Variants in ZNF177 observed in about 807,000 individuals in gnomAD.
ZNF177 encodes zinc finger protein 177.
Under a neutral mutation model 19.4 loss-of-function variants are expected in ZNF177, and 17 were observed. That is an observed-to-expected ratio of 0.87 (90% confidence interval 0.60 to 1.31). ZNF177 has a LOEUF of 1.31. Ranked by LOEUF, ZNF177 falls within the 40% of genes most tolerant of loss-of-function variation. The pLI, the probability that ZNF177 is intolerant of heterozygous loss-of-function variation, is 0.00. For missense variants in ZNF177, 633 were observed against 561.8 expected (o/e 1.13, Z -1.28); for synonymous variants, 220 against 188.7 (o/e 1.17, Z -1.36).
At chr19:9,376,809 T>C (rs963194650) in intron 1 of ZNF177, among the ~76,000 whole-genome samples, 2 of 152,206 alleles carry the variant, frequency 1.3e-5, no homozygotes, top group Non-Finnish European at 2.9e-5. Flanking sequence ...GTTATTTAGA[T>C]ACCACTGTTA....
chr19:9,366,618 TTCA>T (rs1193410639), intron 2 of ZNF177, among the ~76,000 whole-genome samples: 1 of 152,216 alleles, frequency 6.6e-6, no homozygotes, highest in Admixed American at 6.5e-5. Context: ...CATTTATCCG[TTCA>T]TCGGTAGATA....
chr19:9,382,305 G>A (rs924453685), downstream of ZNF177: 6 of 398,604 alleles, frequency 1.5e-5, no homozygotes, highest in Admixed American at 1.3e-4. Context: ...AGCTGCTAAG[G>A]AAGCTCATGG....
chr19:9,363,842 A>G (rs77393458), intron 1 of ZNF177, among the ~76,000 whole-genome samples: 3,208 of 152,220 alleles, frequency 0.021, 108 homozygotes, highest in African/African-American at 0.073. Flanking sequence ...CTGCCCTACA[A>G]ATTTACTGCC....
In ZNF177 at chr19:9,379,640, G is replaced by A. The variant is rs73920762; in HGVS notation, c.253+21G>A. On this transcript the variant is annotated intron_variant, in intron 4 of 5. Transcript: ENST00000589262. ...TGCAGGTGAGCCTTGGGCAGAACAG[G>A]GTGCAGCCTTGGCCAGTGAGGGTTA... 5,184 of 1,611,686 alleles carry A rather than the reference G, an allele frequency of 3.2e-3. 127 individuals are homozygous for A. In the African/African-American group the frequency reaches 0.061, roughly 19 times the overall value.
intron 2 of ZNF177, among the ~76,000 whole-genome samples, chr19:9,369,346 CT>C (rs1298347382): frequency 6.6e-6 from 1 of 152,106 alleles, no homozygotes. Context: ...CTAATTGGTA[CT>C]TTACATCCTC....
intron 2 of ZNF177, among the ~76,000 whole-genome samples, chr19:9,365,693 C>T (rs1202338937): frequency 3.3e-5 from 5 of 152,026 alleles, no homozygotes; most frequent in East Asian, 1.9e-4. Flanking sequence ...AGTCCATGAC[C>T]GGCGCCGGAG....
chr19:9,370,994 C>T (rs1311197206), intron 2 of ZNF177, among the ~76,000 whole-genome samples: 2 of 152,190 alleles, frequency 1.3e-5, no homozygotes, highest in Non-Finnish European at 2.9e-5. Flanking sequence ...TTTAAATGCT[C>T]ATTTCAAGTA....
chr19:9,380,931 A>G (rs2068188176), exon 6 of ZNF177: 3 of 1,536,568 alleles, frequency 2.0e-6, no homozygotes, highest in Non-Finnish European at 2.6e-6. Context: ...CTCCCACAGG[A>G]CAGAAGTTTC....
chr19:9,370,408 GT>G (rs397970717), intron 2 of ZNF177, among the ~76,000 whole-genome samples: 7 of 141,026 alleles, frequency 5.0e-5, no homozygotes, highest in Admixed American at 1.4e-4. Flanking sequence ...TGGTTGGTTT[GT>G]TTTTTTTTTG....
intron 2 of ZNF177, among the ~76,000 whole-genome samples, chr19:9,366,736 CT>C (rs1480815916): frequency 1.3e-5 from 2 of 152,086 alleles, no homozygotes; most frequent in African/African-American, 2.4e-5. Context: ...ATGAGACGAA[CT>C]TTTATGTTTA....
In ZNF177 at chr19:9,380,981, C is replaced by T. The variant is rs994429433; in HGVS notation, c.650C>T (p.Ser217Phe). Reference sequence around the variant, plus strand: ...TGTGATATGTCCTTCAGCCTACACTCTTCCTGCTCAGTACGTGAGCAAATA... The same window carrying T: ...TGTGATATGTCCTTCAGCCTACACTTTTCCTGCTCAGTACGTGAGCAAATA... The change falls in exon 6 of 6, where the codon TCT becomes TTT. Residue 217 changes from serine (S) to phenylalanine (F), a missense_variant. Ser to Phe is a radical substitution (Grantham distance 155). Transcript: ENST00000589262. The T allele has an allele frequency of 2.0e-5, 31 of 1,550,918 alleles. No homozygotes were observed. The African/African-American group carries it at 2.7e-4, about 14-fold the overall frequency.
At chr19:9,382,589 TA>T, downstream of ZNF177, 1 of 393,748 alleles carries the variant, frequency 2.5e-6, no homozygotes, top group Non-Finnish European at 4.5e-6. Flanking sequence ...TTACATCTAA[TA>T]AATGGTCAAG....
chr19:9,379,592 A>G (rs764544092), exon 4 of ZNF177: 10 of 1,613,790 alleles, frequency 6.2e-6, no homozygotes, highest in Middle Eastern at 3.3e-4. Context: ...GACAGATGAA[A>G]GAGGAATTTT....
chr19:9,377,137 G>A (rs1051497548), intron 1 of ZNF177, among the ~76,000 whole-genome samples: 1 of 152,068 alleles, frequency 6.6e-6, no homozygotes, highest in African/African-American at 2.4e-5. Flanking sequence ...TTTTAATAGT[G>A]CTAAAAAATT....
intron 2 of ZNF177, among the ~76,000 whole-genome samples, chr19:9,371,226 ATCTT>A (rs971919373): frequency 9.9e-5 from 15 of 152,208 alleles, no homozygotes; most frequent in African/African-American, 3.1e-4. Context: ...GCTACAGAAT[ATCTT>A]TTTACATTTG....
chr19:9,376,055 G>A (rs563268607), upstream of ZNF177, among the ~76,000 whole-genome samples: 1 of 152,270 alleles, frequency 6.6e-6, no homozygotes, highest in South Asian at 2.1e-4. Context: ...GCTATAGTGA[G>A]CTTCTTGTAG....
intron 2 of ZNF177, among the ~76,000 whole-genome samples, chr19:9,366,075 C>T (rs1409141120): frequency 7.2e-5 from 11 of 152,208 alleles, no homozygotes; most frequent in Admixed American, 1.3e-4. Context: ...CTCTGCCTCC[C>T]GGGTTCAAGT....
chr19:9,364,132 A>G (rs952881248), intron 1 of ZNF177, among the ~76,000 whole-genome samples: 5 of 152,230 alleles, frequency 3.3e-5, no homozygotes, highest in Admixed American at 2.0e-4. Context: ...CATACTCATC[A>G]GCAGTTACTC....
At chr19:9,366,513 C>T (rs1211877771) in intron 2 of ZNF177, among the ~76,000 whole-genome samples, 1 of 152,068 alleles carries the variant, frequency 6.6e-6, no homozygotes, top group Admixed American at 6.5e-5. Flanking sequence ...ACTACAGCCT[C>T]CCTAAGTGCT....
Sources: gnomAD v4.1 joint callset for allele counts (sites outside exome capture counted in the v4.1 genomes callset) on GRCh38, gnomAD v4.1.1 for gene constraint, MANE v1.5 for transcripts, NCBI Gene and HGNC (gene_info 2026-07-23, HGNC 2026-07-21) for gene names.